ACAD11: variants seen among roughly 807,000 people sequenced by gnomAD.
The protein encoded by ACAD11 is acyl-CoA dehydrogenase family member 11.
A neutral mutation model predicts 102.2 loss-of-function variants in ACAD11; 83 were observed. The ratio of observed to expected loss-of-function variants is 0.81; its 90% CI spans 0.68 to 0.97. ACAD11 has a LOEUF of 0.97. Among genes scored for constraint, ACAD11 ranks in the 50% least tolerant of loss-of-function variants. The pLI is 0.00. For missense variants in ACAD11, 901 were observed against 951.7 expected, an observed-to-expected ratio of 0.95 and a Z score of 0.70; for synonymous variants, 324 against 319.8, an observed-to-expected ratio of 1.01 and a Z score of -0.14.
chr3:132,606,646 G>A (rs929055156), intron 11 of ACAD11, among the ~76,000 whole-genome samples: 3 of 152,210 alleles, frequency 2.0e-5, no homozygotes, highest in Non-Finnish European at 4.4e-5. Context: ...GCTTATAGAC[G>A]AAACTCCCAT....
chr3:132,591,524 T>A (rs1385891101), intron 13 of ACAD11, among the ~76,000 whole-genome samples: 1 of 152,210 alleles, frequency 6.6e-6, no homozygotes, highest in African/African-American at 2.4e-5. Context: ...GCCCTCTTTT[T>A]CGAATATTCA....
At chr3:132,573,103 C>T (rs796767675) in intron 17 of ACAD11, among the ~76,000 whole-genome samples, 10 of 152,218 alleles carry the variant, frequency 6.6e-5, no homozygotes, top group Middle Eastern at 3.4e-3. Context: ...CAACTGGCCC[C>T]GGTGTGTGTT....
chr3:132,571,503 A>C (rs1195319537), intron 17 of ACAD11, among the ~76,000 whole-genome samples: 2 of 152,088 alleles, frequency 1.3e-5, no homozygotes, highest in African/African-American at 2.4e-5. Context: ...TCGTTAGTTT[A>C]ATTAGATTGC....
intron 9 of ACAD11, among the ~76,000 whole-genome samples, chr3:132,624,458 A>G (rs1378158695): frequency 6.6e-6 from 1 of 151,408 alleles, no homozygotes; most frequent in Non-Finnish European, 1.5e-5. Context: ...TACAAAAATT[A>G]GCCAGGCTTG....
intron 5 of ACAD11, 44 bp downstream of exon 5, chr3:132,639,448 C>T: frequency 6.3e-7 from 1 of 1,581,702 alleles, no homozygotes; most frequent in Non-Finnish European, 8.6e-7. Context: ...TACTGTGTCA[C>T]AAAACAGACC....
In ACAD11 at chr3:132,644,898, T is replaced by C. The variant is rs771543392; in HGVS notation, c.150-2A>G. 15 of 1,568,754 alleles carry C rather than the reference T, an allele frequency of 9.6e-6. No homozygotes were observed. The highest frequency in any genetic ancestry group is 1.3e-5 in the Non-Finnish European group (15 of 1,152,644). On this transcript the variant is annotated splice_acceptor_variant, in intron 1 of 19. Coordinates refer to ENST00000264990, the MANE Select transcript of ACAD11 (RefSeq NM_032169.5). LOFTEE classifies it high-confidence loss of function. Reference sequence around the variant, plus strand: ...AAGGTTGGATTGGACTTTCCTGCTCTAGATAAAAGTAAAAAAAAAAAAGGT... The same window carrying C: ...AAGGTTGGATTGGACTTTCCTGCTCCAGATAAAAGTAAAAAAAAAAAAGGT...
chr3:132,579,093 G>A (rs1381272461), intron 14 of ACAD11: 1 of 1,468,422 alleles, frequency 6.8e-7, no homozygotes, highest in African/African-American at 1.4e-5. Context: ...TAAATGAGTT[G>A]TTTGATTGAA....
intron 1 of ACAD11, among the ~76,000 whole-genome samples, chr3:132,659,304 T>C (rs1339001142): frequency 6.6e-6 from 1 of 152,210 alleles, no homozygotes; most frequent in South Asian, 2.1e-4. Context: ...TTCTCAGAAT[T>C]TGTAGCCTTA....
At chr3:132,592,653 C>G (rs554514477) in intron 13 of ACAD11, among the ~76,000 whole-genome samples, 4 of 152,262 alleles carry the variant, frequency 2.6e-5, no homozygotes, top group African/African-American at 9.6e-5. Context: ...TACTATGAAG[C>G]ATAGATAGCC....
At position 132,628,422 on chromosome 3, in the gene ACAD11, C is replaced by A. The variant is rs1329319363; in HGVS notation, c.988G>T (p.Gly330Ter). Residue 330 changes from glycine to a stop codon, truncating the protein, a stop_gained, in exon 8 of 20, where the codon GGA (glycine) becomes TGA (stop). Coordinates refer to ENST00000264990, the MANE Select transcript of ACAD11 (RefSeq NM_032169.5). LOFTEE classifies it high-confidence loss of function. ...AAGCTATCCTCAGATGAATTATTTCCCAGAAGATATCTGCTATATACTCCC... is the reference window on the plus strand; with the variant it reads ...AAGCTATCCTCAGATGAATTATTTCACAGAAGATATCTGCTATATACTCCC... ...AQGVYSRYLL[G>*]NNSSEDSFLF... 6.2e-7 allele frequency: 1 copy of A among 1,610,922 alleles called. No individual in the cohort carries two copies. Among genetic ancestry groups the A allele is most frequent in the East Asian group, 2.2e-5 (1 of 44,692 alleles).
intron 11 of ACAD11, 157 bp downstream of exon 11, chr3:132,618,477 C>A (rs951648794): frequency 3.1e-5 from 21 of 669,846 alleles, no homozygotes; most frequent in Non-Finnish European, 4.5e-5. Context: ...ATTTCAAATC[C>A]ATTTCTTATA....
chr3:132,561,016 T>A, intron 18 of ACAD11, 85 bp downstream of exon 18: 4 of 1,016,132 alleles, frequency 3.9e-6, no homozygotes, highest in Non-Finnish European at 6.1e-6. Context: ...GCCATCAAGA[T>A]GCCATGAAAA....
intron 17 of ACAD11, among the ~76,000 whole-genome samples, chr3:132,562,315 G>A (rs564788534): frequency 3.9e-5 from 6 of 152,320 alleles, no homozygotes; most frequent in Non-Finnish European, 8.8e-5. Flanking sequence ...ATATTGGCCA[G>A]GCTGGTCTTG....
At chr3:132,575,026 T>A (rs758890810) in intron 17 of ACAD11, among the ~76,000 whole-genome samples, 7 of 152,046 alleles carry the variant, frequency 4.6e-5, no homozygotes, top group Non-Finnish European at 1.0e-4. Flanking sequence ...TTTTGTATTT[T>A]AGTAGAGACG....
chr3:132,576,583 A>C (rs1937527487), intron 16 of ACAD11, among the ~76,000 whole-genome samples: 1 of 152,246 alleles, frequency 6.6e-6, no homozygotes, highest in African/African-American at 2.4e-5. Flanking sequence ...TCTGAATTAT[A>C]TAATTTTCAT....
chr3:132,576,970 C>G lies in ACAD11; in HGVS notation c.1820G>C (p.Arg607Pro). 6.2e-7 allele frequency: 1 copy of G among 1,610,600 alleles called. No individual in the cohort carries two copies. Among genetic ancestry groups the G allele is most frequent in the South Asian group, 1.1e-5 (1 of 90,726 alleles). ...TAGTATTAGATTTGTGGCAGGAACT[C>G]GCACTTGATTAAAATGGATCTCAAA... ...GHFEIHFNQV[R>P]VPATNLILGE... The change falls in exon 16 of 20, where the codon CGA (arginine) becomes CCA (proline). Residue 607 changes from arginine (R) to proline (P), a missense_variant. Physicochemically the swap from Arg to Pro is moderately radical, Grantham distance 103. Transcript: ENST00000264990.
chr3:132,593,819 T>C (rs1365927081), intron 13 of ACAD11, among the ~76,000 whole-genome samples: 1 of 151,730 alleles, frequency 6.6e-6, no homozygotes. Context: ...AGGTTAAGAG[T>C]AGGAGCCAAT....
At chr3:132,634,637 CAA>C (rs1212297612) in intron 5 of ACAD11, among the ~76,000 whole-genome samples, 4 of 152,126 alleles carry the variant, frequency 2.6e-5, no homozygotes, top group Non-Finnish European at 4.4e-5. Context: ...CTCACAATAG[CAA>C]AGACTCGGAA....
intron 13 of ACAD11, among the ~76,000 whole-genome samples, chr3:132,599,289 C>T (rs561081052): frequency 2.6e-5 from 4 of 152,120 alleles, no homozygotes; most frequent in East Asian, 1.9e-4. Context: ...AGGTGGATCA[C>T]GAGGTCAGGA....
Sources: allele counts gnomAD v4.1 joint callset (sites outside exome capture counted in the v4.1 genomes callset), GRCh38; gene constraint gnomAD v4.1.1; transcripts MANE v1.5; gene names NCBI Gene and HGNC (gene_info 2026-07-23, HGNC 2026-07-21).